The following NOD1 variants were observed in gnomAD, a reference collection of about 807,000 sequenced individuals.
NOD1 encodes the protein nucleotide-binding oligomerization domain-containing protein 1.
Under a neutral mutation model 81.2 loss-of-function variants are expected in NOD1, and 70 were observed. The observed-to-expected ratio is 0.86, with a 90% CI of 0.71 to 1.05. The LOEUF (loss-of-function observed/expected upper bound fraction) is 1.05, where lower values mean the gene tolerates loss of function less well. Ranked by LOEUF, NOD1 falls within the 50% of genes least tolerant of loss-of-function variation. The pLI is 0.00. For synonymous variants in NOD1, 508 were observed against 526.9 expected (o/e 0.96, Z 0.49); for missense variants, 1,233 against 1,228.0 (o/e 1.00, Z -0.06).
At chr7:30,428,665 T>C (rs1271214175) in intron 13 of NOD1, 2 of 151,942 alleles carry the variant, frequency 1.3e-5, no homozygotes, top group Non-Finnish European at 2.9e-5. Flanking sequence ...CAAGGAGCTG[T>C]TTTTTGTTTT....
At chr7:30,465,789 T>A (rs1042183949) in intron 1 of NOD1, among the ~76,000 whole-genome samples, 1 of 152,248 alleles carries the variant, frequency 6.6e-6, no homozygotes, top group Non-Finnish European at 1.5e-5. Context: ...ATGTAGCAGA[T>A]GCTATCTTAG....
chr7:30,427,232 G>A (rs1007197658), intron 13 of NOD1, among the ~76,000 whole-genome samples: 1 of 152,116 alleles, frequency 6.6e-6, no homozygotes, highest in African/African-American at 2.4e-5. Flanking sequence ...ATACTGGAGT[G>A]GGATACATTT....
chr7:30,477,735 G>C (rs935944761), intron 1 of NOD1, among the ~76,000 whole-genome samples: 2 of 149,996 alleles, frequency 1.3e-5, no homozygotes, highest in Middle Eastern at 3.4e-3. Flanking sequence ...GGGCCAGGCT[G>C]GTCTCGAACT....
intron 10 of NOD1, among the ~76,000 whole-genome samples, chr7:30,436,852 G>A (rs1355658664): frequency 1.3e-5 from 2 of 152,144 alleles, no homozygotes; most frequent in Non-Finnish European, 2.9e-5. Context: ...AATACCATTT[G>A]ACCCAGCAAT....
chr7:30,463,215 C>T (rs1787332773), intron 1 of NOD1, among the ~76,000 whole-genome samples: 1 of 152,052 alleles, frequency 6.6e-6, no homozygotes, highest in Non-Finnish European at 1.5e-5. Context: ...GTCAGCAACC[C>T]ATATGCTTGA....
chr7:30,455,810 C>G (rs1786304136), intron 4 of NOD1, among the ~76,000 whole-genome samples: 1 of 152,156 alleles, frequency 6.6e-6, no homozygotes, highest in African/African-American at 2.4e-5. Context: ...CCATGTTGGC[C>G]AGGCTGGTCT....
At chr7:30,446,488 T>C (rs923964157) in intron 8 of NOD1, 5 of 501,996 alleles carry the variant, frequency 1.0e-5, no homozygotes, top group Middle Eastern at 5.4e-4. Context: ...GGTCCTCTAA[T>C]TGACCTCAGC....
chr7:30,432,414 A>G (rs368598716), intron 12 of NOD1, among the ~76,000 whole-genome samples: 2 of 152,260 alleles, frequency 1.3e-5, no homozygotes, highest in South Asian at 2.1e-4. Flanking sequence ...ATCCACTAGT[A>G]TAACTAGATT....
Position 30,452,002 on chromosome 7 carries a change from T to C in NOD1, c.1415A>G (p.Glu472Gly). The part of the protein sequence containing the change: ...SLGQVAHRGM[E>G]KSLFVFTQEE... Reference sequence around the variant, plus strand: ...CTGGGTGAAGACAAAGAGGCTCTTCTCCATGCCCCGGTGGGCCACCTGCCC... The same window carrying C: ...CTGGGTGAAGACAAAGAGGCTCTTCCCCATGCCCCGGTGGGCCACCTGCCC... The change falls in exon 6 of 14, where the codon GAG becomes GGG. Residue 472 changes from glutamate (E) to glycine (G), a missense_variant. Transcript: ENST00000222823. 6.2e-7 allele frequency: 1 copy of C among 1,613,496 alleles called. No homozygotes were observed. Among genetic ancestry groups the C allele is most frequent in the Non-Finnish European group, 8.5e-7 (1 of 1,179,980 alleles).
At position 30,425,557 on chromosome 7, in the gene NOD1, C is replaced by G. The variant is rs1783371960; in HGVS notation, c.*81G>C. ...CCCGCCTGCGCAGGCCCCTTTAAGA[C>G]ACTGACACAAAAGACTGCCCAGAGT... On this transcript the variant is annotated 3_prime_UTR_variant, in exon 14 of 14. Coordinates refer to ENST00000222823, the MANE Select transcript of NOD1 (RefSeq NM_006092.4). The G allele has an allele frequency of 9.9e-7, 1 of 1,006,490 alleles. No individual in the cohort carries two copies. The highest frequency in any genetic ancestry group is 1.6e-6 in the Non-Finnish European group (1 of 625,630). 62.3% of individuals were successfully genotyped at this position (1,006,490 alleles called of 1,614,324 possible).
chr7:30,436,759 G>A (rs1162000429), intron 10 of NOD1, among the ~76,000 whole-genome samples: 1 of 152,196 alleles, frequency 6.6e-6, no homozygotes, highest in African/African-American at 2.4e-5. Flanking sequence ...GATGGGGGTG[G>A]TGGTTGGCTG....
intron 12 of NOD1, among the ~76,000 whole-genome samples, chr7:30,429,659 T>C (rs561414693): frequency 6.6e-6 from 1 of 152,346 alleles, no homozygotes; most frequent in South Asian, 2.1e-4. Flanking sequence ...TTAAATTTTC[T>C]GTTTGTTTTT....
At chr7:30,471,109 A>G (rs1788232799) in intron 1 of NOD1, among the ~76,000 whole-genome samples, 1 of 148,848 alleles carries the variant, frequency 6.7e-6, no homozygotes, top group Non-Finnish European at 1.5e-5. Context: ...GAAGACGTTT[A>G]TTAACCCCAT....
At chr7:30,450,147 T>G (rs1482454883) in intron 6 of NOD1, among the ~76,000 whole-genome samples, 1 of 151,622 alleles carries the variant, frequency 6.6e-6, no homozygotes, top group African/African-American at 2.4e-5. Context: ...TGAGCTGAGA[T>G]CACGCCACTG....
intron 1 of NOD1, among the ~76,000 whole-genome samples, chr7:30,472,148 G>A (rs568010641): frequency 9.2e-5 from 14 of 152,308 alleles, no homozygotes; most frequent in African/African-American, 3.4e-4. Context: ...GTCAGGAGGG[G>A]AAATTCCTCC....
intron 1 of NOD1, chr7:30,475,787 G>T (rs1788716602): frequency 6.6e-6 from 1 of 152,252 alleles, no homozygotes; most frequent in Non-Finnish European, 1.5e-5. Flanking sequence ...AGTCTTGCCT[G>T]AATGAACTTT....
intron 9 of NOD1, among the ~76,000 whole-genome samples, 185 bp downstream of exon 9, chr7:30,445,956 C>T (rs1785022250): frequency 6.6e-6 from 1 of 151,642 alleles, no homozygotes; most frequent in Admixed American, 6.6e-5. Flanking sequence ...GGGAGGGGGA[C>T]CGGGGAGTTA....
chr7:30,446,034 G>T (rs544454735), intron 9 of NOD1, 107 bp downstream of exon 9: 85 of 836,796 alleles, frequency 1.0e-4, no homozygotes, highest in Non-Finnish European at 1.3e-4. Flanking sequence ...CCCCGACAGC[G>T]AGCCCCAGTG....
At chr7:30,457,761 C>T (rs151331508) in intron 3 of NOD1, among the ~76,000 whole-genome samples, 63 of 152,188 alleles carry the variant, frequency 4.1e-4, no homozygotes, top group Non-Finnish European at 5.9e-4. Context: ...GGTCTCAGCA[C>T]AAAATAGCCT....
Sources: gnomAD v4.1 joint callset for allele counts (sites outside exome capture counted in the v4.1 genomes callset) on GRCh38, gnomAD v4.1.1 for gene constraint, MANE v1.5 for transcripts, NCBI Gene and HGNC (gene_info 2026-07-23, HGNC 2026-07-21) for gene names.